Variants in CLIC5 observed in about 807,000 individuals in gnomAD.
The protein encoded by CLIC5 is chloride intracellular channel protein 5.
A neutral mutation model predicts 24.7 loss-of-function variants in CLIC5; 20 were observed. That is an observed-to-expected ratio of 0.81 (90% confidence interval 0.57 to 1.18). The LOEUF is 1.18. CLIC5 is among the 50% of genes most tolerant of loss of function. CLIC5 has a pLI of 0.00. For missense variants in CLIC5, 341 were observed against 326.1 expected (o/e 1.05, Z -0.35); for synonymous variants, 159 against 135.6 (o/e 1.17, Z -1.20).
downstream of CLIC5, among the ~76,000 whole-genome samples, chr6:45,895,827 C>T (rs1227250334): frequency 2.0e-5 from 3 of 152,106 alleles, no homozygotes; most frequent in Non-Finnish European, 2.9e-5. Flanking sequence ...GCTCCACAGA[C>T]GGAATAGTAC....
At chr6:45,920,512 C>T (rs192361555) in intron 4 of CLIC5, 12 of 293,510 alleles carry the variant, frequency 4.1e-5, no homozygotes, top group African/African-American at 9.1e-5. Context: ...CCATGGCAGA[C>T]GGAGATGTCT....
At chr6:45,928,274 G>A (rs901722044) in intron 4 of CLIC5, among the ~76,000 whole-genome samples, 3 of 152,314 alleles carry the variant, frequency 2.0e-5, no homozygotes, top group African/African-American at 7.2e-5. Flanking sequence ...AGCAAAAGAT[G>A]TTTAAAAGCT....
At chr6:45,932,744 A>G (rs1327453882) in intron 4 of CLIC5, 1 of 152,284 alleles carries the variant, frequency 6.6e-6, no homozygotes, top group Admixed American at 6.5e-5. Context: ...AGCATGACCC[A>G]CTGCAGGTGG....
chr6:45,942,765 C>G (rs912184909), intron 3 of CLIC5, among the ~76,000 whole-genome samples: 10 of 152,160 alleles, frequency 6.6e-5, no homozygotes, highest in African/African-American at 2.2e-4. Context: ...TTTTGGGGCC[C>G]CTTTTGGGGC....
At chr6:45,881,062 T>C (rs1762259088) in exon 7 of CLIC5, 2 of 398,188 alleles carry the variant, frequency 5.0e-6, no homozygotes, top group Non-Finnish European at 4.4e-6. Context: ...GTACAGACAA[T>C]GAGTTCCACA....
chr6:46,112,395 A>G, the CLIC5 span, among the ~76,000 whole-genome samples: 1 of 152,154 alleles, frequency 6.6e-6, no homozygotes, highest in Non-Finnish European at 1.5e-5. Context: ...AGCTACTCCC[A>G]TCTTTTCCCC....
At chr6:46,068,425 A>G (rs1160177056) in intron 1 of CLIC5, among the ~76,000 whole-genome samples, 2 of 151,996 alleles carry the variant, frequency 1.3e-5, no homozygotes, top group African/African-American at 4.8e-5. Flanking sequence ...GGGGTAACTT[A>G]TTTCCTCCCT....
the CLIC5 span, among the ~76,000 whole-genome samples, chr6:46,093,358 G>C: frequency 3.3e-5 from 5 of 152,202 alleles, no homozygotes; most frequent in African/African-American, 1.2e-4. Flanking sequence ...TAGGGTTCTT[G>C]TTGAAATGCA....
chr6:45,912,357 G>A, intron 5 of CLIC5: 1 of 1,031,252 alleles, frequency 9.7e-7, no homozygotes, highest in South Asian at 3.8e-5. Flanking sequence ...TTTTCTCCAA[G>A]GACAGGGCTT....
chr6:46,001,974 A>G (rs1766378568), intron 1 of CLIC5, among the ~76,000 whole-genome samples: 1 of 152,188 alleles, frequency 6.6e-6, no homozygotes, highest in Admixed American at 6.5e-5. Context: ...AGAAAGACTC[A>G]GAAAGTCCTA....
chr6:45,920,203 G>A (rs1411874765), intron 4 of CLIC5: 5 of 978,720 alleles, frequency 5.1e-6, no homozygotes, highest in Admixed American at 6.2e-5. Flanking sequence ...TACTTTCAGC[G>A]ACCGTGATGA....
chr6:46,041,201 G>A (rs1767798345), intron 1 of CLIC5, among the ~76,000 whole-genome samples: 1 of 152,146 alleles, frequency 6.6e-6, no homozygotes, highest in Admixed American at 6.5e-5. Context: ...CCAAATAACA[G>A]AAGAAAATAT....
At chr6:46,049,006 C>G (rs572015191) in intron 1 of CLIC5, among the ~76,000 whole-genome samples, 53 of 152,306 alleles carry the variant, frequency 3.5e-4, no homozygotes, top group Admixed American at 1.7e-3. Flanking sequence ...AACAAAGGAG[C>G]TTGCTGTTCA....
intron 1 of CLIC5, among the ~76,000 whole-genome samples, chr6:45,955,450 C>G (rs1332014108): frequency 6.6e-6 from 1 of 152,188 alleles, no homozygotes; most frequent in Non-Finnish European, 1.5e-5. Flanking sequence ...TCAATAAATA[C>G]TTGCTGAATT....
intron 4 of CLIC5, among the ~76,000 whole-genome samples, chr6:45,917,324 G>C (rs4714888): frequency 1.3e-5 from 2 of 152,172 alleles, no homozygotes; most frequent in African/African-American, 4.8e-5. Flanking sequence ...GCCAATACGA[G>C]GACATCAATT....
intron 1 of CLIC5, among the ~76,000 whole-genome samples, chr6:46,037,967 G>A (rs1197923321): frequency 2.0e-5 from 3 of 152,138 alleles, no homozygotes; most frequent in African/African-American, 7.2e-5. Flanking sequence ...TAAGCCTCAG[G>A]GAAAGAGGAT....
At chr6:46,126,310 T>C in the CLIC5 span, among the ~76,000 whole-genome samples, 1 of 152,188 alleles carries the variant, frequency 6.6e-6, no homozygotes, top group East Asian at 1.9e-4. Flanking sequence ...TAGAGGCACC[T>C]TGAGGGCAAG....
At chr6:46,050,666 G>T (rs1768077282) in intron 1 of CLIC5, among the ~76,000 whole-genome samples, 1 of 152,190 alleles carries the variant, frequency 6.6e-6, no homozygotes. Flanking sequence ...GGAAATGGGT[G>T]CTTTGTCTTC....
chr6:45,974,295 G>A (rs1360928664), intron 1 of CLIC5, among the ~76,000 whole-genome samples: 1 of 151,764 alleles, frequency 6.6e-6, no homozygotes, highest in Admixed American at 6.6e-5. Flanking sequence ...CAGAGTGACA[G>A]CAAGAGTCAA....
Sources: gnomAD v4.1 joint callset for allele counts (sites outside exome capture counted in the v4.1 genomes callset) on GRCh38, gnomAD v4.1.1 for gene constraint, MANE v1.5 for transcripts, NCBI Gene and HGNC (gene_info 2026-07-23, HGNC 2026-07-21) for gene names.